Variants in COQ5 observed in about 807,000 individuals in gnomAD.
COQ5 encodes coenzyme Q5, methyltransferase, also known as 2-methoxy-6-polyprenyl-1,4-benzoquinol methylase, mitochondrial.
A neutral mutation model predicts 40.5 loss-of-function variants in COQ5; 27 were observed. The ratio of observed to expected loss-of-function variants is 0.67; its 90% CI spans 0.49 to 0.92. The LOEUF is 0.92. COQ5 is among the 40% of genes least tolerant of loss of function. The pLI is 0.00. For missense variants in COQ5, 409 were observed against 406.4 expected, an observed-to-expected ratio of 1.01 and a Z score of -0.06; for synonymous variants, 141 against 150.0, an observed-to-expected ratio of 0.94 and a Z score of 0.44.
Position 120,522,627 on chromosome 12 carries a change from G to C in COQ5, c.203-264C>G, listed in dbSNP as rs1237707196. ...ATGGCAGTCCAGGGGGGTCACACCAGTCCTTCTGTCCTCACATTGGCAGAC... is the reference window on the plus strand; with the variant it reads ...ATGGCAGTCCAGGGGGGTCACACCACTCCTTCTGTCCTCACATTGGCAGAC... On this transcript the variant is annotated intron_variant, in intron 1 of 6. Transcript: ENST00000288532. 2.5e-5 allele frequency: 16 copies of C among 651,152 alleles called. 1 individual carries two copies. In the East Asian group the frequency reaches 4.0e-4, roughly 16 times the overall value. The allele number at this position is 651,152 out of a possible 1,614,324, so 40.3% of individuals were successfully genotyped here.
Position 120,528,952 on chromosome 12 carries a change from TCTC to T in COQ5, c.187_189del (p.Glu63del), listed in dbSNP as rs1414769890. The T allele has an allele frequency of 3.1e-6, 5 of 1,613,892 alleles. No homozygotes were observed. Among genetic ancestry groups the T allele is most frequent in the African/African-American group, 2.7e-5 (2 of 74,932 alleles). ...TCGCCCCTTTCACCTTTGCCCCCCT[TCTC>T]CTCTTCCGACACAGTCTCAAACCCA... On this transcript the variant is annotated inframe_deletion, in exon 1 of 7. Transcript: ENST00000288532.
intron 4 of COQ5, among the ~76,000 whole-genome samples, chr12:120,505,470 C>T (rs193048505): frequency 2.6e-5 from 4 of 152,024 alleles, no homozygotes; most frequent in Admixed American, 6.6e-5. Context: ...TCACTGCAAC[C>T]GCTGCCTCCC....
At chr12:120,504,797 A>G (rs1868805719) in intron 5 of COQ5, 98 bp downstream of exon 5, 1 of 1,039,138 alleles carries the variant, frequency 9.6e-7, no homozygotes, top group African/African-American at 1.6e-5. Flanking sequence ...TCTGAACTAC[A>G]AAGTTCATGC....
chr12:120,515,053 A>G (rs1400231283), intron 3 of COQ5, among the ~76,000 whole-genome samples: 1 of 152,042 alleles, frequency 6.6e-6, no homozygotes, highest in Non-Finnish European at 1.5e-5. Flanking sequence ...TCGGCCTCCC[A>G]AAGTGCTGAG....
At chr12:120,503,945 G>T in intron 6 of COQ5, 25 bp downstream of exon 6, 1 of 1,597,474 alleles carries the variant, frequency 6.3e-7, no homozygotes, top group Non-Finnish European at 8.6e-7. Context: ...TAGGGCCTTT[G>T]TTTAAAGCTA....
At chr12:120,519,652 C>T (rs1186094669) in intron 2 of COQ5, among the ~76,000 whole-genome samples, 2 of 152,162 alleles carry the variant, frequency 1.3e-5, no homozygotes, top group East Asian at 3.9e-4. Flanking sequence ...GGGTGTATCA[C>T]CTGAGGCTGG....
At chr12:120,515,840 G>A (rs1869353366) in intron 3 of COQ5, among the ~76,000 whole-genome samples, 1 of 152,214 alleles carries the variant, frequency 6.6e-6, no homozygotes, top group Admixed American at 6.5e-5. Flanking sequence ...CTTGGAAACT[G>A]AGGCAGAGGC....
intron 4 of COQ5, among the ~76,000 whole-genome samples, chr12:120,506,369 A>ATTTT (rs762809704): frequency 7.0e-6 from 1 of 142,436 alleles, no homozygotes; most frequent in African/African-American, 2.6e-5. Flanking sequence ...CCTGTTTAAA[A>ATTTT]TTTTTTTTTT....
At chr12:120,519,107 T>A (rs1252316196) in intron 2 of COQ5, among the ~76,000 whole-genome samples, 1 of 152,238 alleles carries the variant, frequency 6.6e-6, no homozygotes, top group Admixed American at 6.5e-5. Context: ...TTTAAATAGA[T>A]AAACAATATT....
At chr12:120,507,077 G>A (rs9669127) in intron 4 of COQ5, among the ~76,000 whole-genome samples, 3,693 of 151,980 alleles carry the variant, frequency 0.024, 152 homozygotes, top group African/African-American at 0.084. Context: ...CAAGTGATCT[G>A]CCCGCCTCGG....
At chr12:120,522,395 A>T (rs1395659863) in intron 1 of COQ5, 32 bp from the exon 2 acceptor site, 8 of 1,606,232 alleles carry the variant, frequency 5.0e-6, no homozygotes, top group Non-Finnish European at 6.8e-6. Flanking sequence ...CAATAGTGCT[A>T]TTAACAGAAT....
chr12:120,506,718 T>G (rs1392366969), intron 4 of COQ5, among the ~76,000 whole-genome samples: 2 of 152,172 alleles, frequency 1.3e-5, no homozygotes, highest in Non-Finnish European at 2.9e-5. Context: ...GAAAAGTAGT[T>G]TTGAAAGGAT....
chr12:120,506,595 G>A (rs969881500), intron 4 of COQ5, among the ~76,000 whole-genome samples: 2 of 152,044 alleles, frequency 1.3e-5, no homozygotes, highest in African/African-American at 4.8e-5. Flanking sequence ...TTGAACTAGA[G>A]ACTTCAGGTG....
At chr12:120,518,220 G>A (rs1869471301) in intron 2 of COQ5, among the ~76,000 whole-genome samples, 1 of 152,108 alleles carries the variant, frequency 6.6e-6, no homozygotes, top group South Asian at 2.1e-4. Context: ...GAGCCCAGAG[G>A]TTTGAGACCA....
chr12:120,507,491 G>T (rs1009619463), intron 4 of COQ5, among the ~76,000 whole-genome samples: 50 of 150,136 alleles, frequency 3.3e-4, no homozygotes, highest in African/African-American at 1.2e-3. Context: ...TCACCATGTT[G>T]GTCAGGCTGG....
At chr12:120,505,717 C>A (rs1248408300) in intron 4 of COQ5, among the ~76,000 whole-genome samples, 1 of 151,974 alleles carries the variant, frequency 6.6e-6, no homozygotes, top group Non-Finnish European at 1.5e-5. Context: ...CCACCACACC[C>A]GGCTAATTTT....
At chr12:120,515,091 C>A (rs951533492) in intron 3 of COQ5, among the ~76,000 whole-genome samples, 61 of 151,672 alleles carry the variant, frequency 4.0e-4, no homozygotes, top group African/African-American at 1.3e-3. Context: ...CCACGCCTGG[C>A]CAAATTTGCT....
Position 120,522,169 on chromosome 12 carries a change from T to TA in COQ5, c.352+44dup. On this transcript the variant is annotated intron_variant, in intron 2 of 6. Transcript: ENST00000288532. Reference sequence around the variant, plus strand: ...TCATTACAAGAGAGACTAATTTCTGTAAAACATGCTCAATGGTAGTGAAGG... The same window carrying TA: ...TCATTACAAGAGAGACTAATTTCTGTAAAAACATGCTCAATGGTAGTGAAGG... 3 of 1,610,018 alleles carry TA rather than the reference T, an allele frequency of 1.9e-6. No homozygotes were observed. The South Asian group carries it at 3.3e-5, about 18-fold the overall frequency.
intron 3 of COQ5, among the ~76,000 whole-genome samples, chr12:120,510,772 C>G (rs1387720113): frequency 1.3e-5 from 2 of 152,156 alleles, no homozygotes; most frequent in African/African-American, 4.8e-5. Flanking sequence ...CATAGAGCAT[C>G]AGCGTGTCTA....
Sources: allele counts gnomAD v4.1 joint callset (sites outside exome capture counted in the v4.1 genomes callset), GRCh38; gene constraint gnomAD v4.1.1; transcripts MANE v1.5; gene names NCBI Gene and HGNC (gene_info 2026-07-23, HGNC 2026-07-21).